The following TBX15 variants were observed in gnomAD, a reference collection of about 807,000 sequenced individuals.
TBX15 encodes the protein T-box transcription factor TBX15.
TBX15 carries 18 observed loss-of-function variants against 53.9 expected under a neutral mutation model. The observed-to-expected ratio is 0.33, with a 90% CI of 0.23 to 0.49. TBX15 has a LOEUF of 0.49. TBX15 is among the 20% of genes least tolerant of loss of function. TBX15 has a pLI of 0.98. For synonymous variants in TBX15, 295 were observed against 278.0 expected (o/e 1.06, Z -0.61); for missense variants, 692 against 749.5 (o/e 0.92, Z 0.90).
At chr1:118,943,034 G>A (rs1394412061) in intron 1 of TBX15, among the ~76,000 whole-genome samples, 1 of 152,168 alleles carries the variant, frequency 6.6e-6, no homozygotes, top group Non-Finnish European at 1.5e-5. Context: ...CACAGACCCA[G>A]ATTATGACTG....
At chr1:118,889,789 A>T (rs1654074455) in intron 7 of TBX15, among the ~76,000 whole-genome samples, 1 of 128,818 alleles carries the variant, frequency 7.8e-6, no homozygotes, top group Non-Finnish European at 1.6e-5. Context: ...TATCTGGCAC[A>T]TAGGCATTAA....
intron 1 of TBX15, among the ~76,000 whole-genome samples, chr1:118,967,102 C>T (rs1657057651): frequency 6.6e-6 from 1 of 152,082 alleles, no homozygotes; most frequent in Non-Finnish European, 1.5e-5. Flanking sequence ...ATAGGAAATA[C>T]CAGATCTAGT....
Position 118,884,722 on chromosome 1 carries a change from G to T in TBX15, c.*10C>A, listed in dbSNP as rs778757194. On this transcript the variant is annotated 3_prime_UTR_variant, in exon 8 of 8. Coordinates refer to ENST00000369429, the MANE Select transcript of TBX15 (RefSeq NM_001330677.2). Reference sequence around the variant, plus strand: ...GATTGCCAAATGCTCCGTGGTGTTTGGACTGGCCTTTAAACCATGTGCACG... The same window carrying T: ...GATTGCCAAATGCTCCGTGGTGTTTTGACTGGCCTTTAAACCATGTGCACG... 6.2e-7 allele frequency: 1 copy of T among 1,613,928 alleles called. No individual in the cohort carries two copies. Among genetic ancestry groups the T allele is most frequent in the Non-Finnish European group, 8.5e-7 (1 of 1,179,968 alleles).
intron 1 of TBX15, among the ~76,000 whole-genome samples, chr1:118,938,127 C>T (rs186006975): frequency 1.3e-5 from 2 of 152,296 alleles, no homozygotes; most frequent in Non-Finnish European, 2.9e-5. Context: ...AAATTTGATA[C>T]TCAGTCCAGA....
rs58116258 is a variant in TBX15 at position 118,893,329 on chromosome 1, GAAA to G, written c.1024+5696_1024+5698del. Among the ~76,000 whole-genome samples the G allele has an allele frequency of 5.0e-3, 310 of 61,812 alleles. 8 individuals are homozygous for G. Among genetic ancestry groups the G allele is most frequent in the African/African-American group, 0.017 (163 of 9,734 alleles). The allele number at this position is 61,812 out of a possible 152,430, so 40.6% of individuals were successfully genotyped here. ...AGGAAGGAAGGAAAGAAAGAAAGAA[GAAA>G]GAAGGAAGGAAGGAAGGAAGGAAGG... On this transcript the variant is annotated intron_variant, in intron 7 of 7. Transcript: ENST00000369429.
intron 1 of TBX15, among the ~76,000 whole-genome samples, chr1:118,969,846 C>A (rs1488205551): frequency 6.6e-6 from 1 of 152,228 alleles, no homozygotes; most frequent in Admixed American, 6.5e-5. Context: ...TCAAGGCATC[C>A]ATTCACCTCC....
intron 4 of TBX15, 105 bp downstream of exon 4, chr1:118,924,541 A>G (rs1655530645): frequency 7.4e-7 from 1 of 1,353,110 alleles, no homozygotes; most frequent in Non-Finnish European, 1.1e-6. Flanking sequence ...TTAAAGTGGC[A>G]TAGAGATTCC....
chr1:118,984,163 GTGCGTGCGAGAA>G (rs1161539921), intron 1 of TBX15, among the ~76,000 whole-genome samples: 13 of 152,098 alleles, frequency 8.5e-5, no homozygotes, highest in Admixed American at 7.2e-4. Flanking sequence ...GAGCTGACGG[GTGCGTGCGAGAA>G]TGCGAGACCT....
chr1:118,893,925 A>G (rs1409504404), intron 7 of TBX15, among the ~76,000 whole-genome samples: 2 of 152,230 alleles, frequency 1.3e-5, no homozygotes, highest in African/African-American at 4.8e-5. Context: ...CGGGAAAAAA[A>G]TAGTGAGAAA....
At chr1:118,886,282 C>T (rs888225790) in intron 7 of TBX15, among the ~76,000 whole-genome samples, 4 of 152,072 alleles carry the variant, frequency 2.6e-5, no homozygotes, top group Admixed American at 6.5e-5. Context: ...TAAATGGAGC[C>T]TTTGGAGTTT....
At chr1:118,909,550 T>TTG (rs1557879845) in intron 6 of TBX15, among the ~76,000 whole-genome samples, 2 of 151,960 alleles carry the variant, frequency 1.3e-5, no homozygotes, top group African/African-American at 4.8e-5. Context: ...ATATCTCTGT[T>TTG]TTGTTGTTGT....
intron 4 of TBX15, among the ~76,000 whole-genome samples, chr1:118,924,440 A>T (rs1445935262): frequency 1.3e-5 from 2 of 152,228 alleles, no homozygotes; most frequent in Non-Finnish European, 2.9e-5. Flanking sequence ...ACACAACTTG[A>T]TGTATAACAG....
intron 6 of TBX15, among the ~76,000 whole-genome samples, chr1:118,904,244 A>T (rs537682384): frequency 1.3e-5 from 2 of 152,128 alleles, no homozygotes; most frequent in Non-Finnish European, 2.9e-5. Context: ...ACATATAACT[A>T]GAATATACTG....
intron 6 of TBX15, among the ~76,000 whole-genome samples, chr1:118,900,346 A>G (rs751324841): frequency 6.6e-6 from 1 of 152,212 alleles, no homozygotes; most frequent in Non-Finnish European, 1.5e-5. Flanking sequence ...AGTTCTCTTC[A>G]GCCTTACACA....
rs1404932897 is a variant in TBX15, at chr1:118,884,886, A to G, written c.1655T>C (p.Phe552Ser). Residue 552 changes from phenylalanine to serine, a missense_variant, in exon 8 of 8, where the codon TTT becomes TCT. Physicochemically the swap from Phe to Ser is radical, Grantham distance 155. This residue lies in a region of TBX15 where 375 missense variants were observed against 371.6 expected (regional missense o/e 1.01). Transcript: ENST00000369429. ...LLCSSPSNGA[F>S]GERQYLPSGM... Reference sequence around the variant, plus strand: ...TGACGGCAGGTACTGCCTCTCTCCAAAGGCCCCGTTGGAAGGAGAAGAACA... The same window carrying G: ...TGACGGCAGGTACTGCCTCTCTCCAGAGGCCCCGTTGGAAGGAGAAGAACA... 1.2e-6 allele frequency: 2 copies of G among 1,614,182 alleles called. No individual in the cohort carries two copies. The highest frequency in any genetic ancestry group is 1.7e-6 in the Non-Finnish European group (2 of 1,180,024).
At chr1:118,924,895 A>G (rs2101595669) in intron 3 of TBX15, 78 bp from the exon 4 acceptor site, 2 of 1,504,944 alleles carry the variant, frequency 1.3e-6, no homozygotes, top group East Asian at 2.3e-5. Flanking sequence ...AAGTTGAGAC[A>G]GGGGAAAGGA....
intron 7 of TBX15, among the ~76,000 whole-genome samples, chr1:118,888,546 A>T (rs1258585305): frequency 6.6e-6 from 1 of 152,200 alleles, no homozygotes; most frequent in African/African-American, 2.4e-5. Context: ...CATCCTACAC[A>T]TTTTCCTTAT....
In TBX15 at chr1:118,884,754, T is replaced by A. The variant is rs770592627; in HGVS notation, c.1787A>T (p.Gln596Leu). 1 of 1,613,954 alleles carries A rather than the reference T, an allele frequency of 6.2e-7. No individual in the cohort carries two copies. Among genetic ancestry groups the A allele is most frequent in the East Asian group, 2.2e-5 (1 of 44,870 alleles). The stretch of plus-strand genomic sequence containing the variant: ...CCTTTAAACCATGTGCACGGACATC[T>A]GGGAGGAGGAGCCTGGAACTGCCCC... ...QYGAVPGSSS[Q>L]MSVHMV The change falls in exon 8 of 8, where the codon CAG (glutamine) becomes CTG (leucine). Residue 596 changes from glutamine (Q) to leucine (L), a missense_variant. By Grantham distance (113) the Gln-to-Leu change is moderately radical. Coordinates refer to ENST00000369429, the MANE Select transcript of TBX15 (RefSeq NM_001330677.2).
intron 6 of TBX15, among the ~76,000 whole-genome samples, chr1:118,906,526 G>T (rs1167481567): frequency 6.6e-6 from 1 of 152,136 alleles, no homozygotes; most frequent in Non-Finnish European, 1.5e-5. Flanking sequence ...TCCAACAGGG[G>T]ACGCCTATTT....
Sources: allele counts gnomAD v4.1 joint callset (sites outside exome capture counted in the v4.1 genomes callset), GRCh38; gene constraint gnomAD v4.1.1; regional missense constraint gnomAD v4.1.1; transcripts MANE v1.5; gene names NCBI Gene and HGNC (gene_info 2026-07-23, HGNC 2026-07-21).